The following LXN variants were observed in gnomAD, a reference collection of about 807,000 sequenced individuals.
LXN encodes the protein MUM.
LXN carries 28 observed loss-of-function variants against 29.8 expected under a neutral mutation model. That is an observed-to-expected ratio of 0.94 (90% CI 0.70 to 1.29). The LOEUF (loss-of-function observed/expected upper bound fraction) is 1.29. Ranked by LOEUF, LXN falls within the 50% of genes most tolerant of loss-of-function variation. The probability of loss-of-function intolerance (pLI) is 0.00; values close to 1 mark genes in which losing one functional copy is unlikely to be tolerated. For missense variants in LXN, 227 were observed against 261.7 expected (o/e 0.87, Z 0.92); for synonymous variants, 77 against 89.6 (o/e 0.86, Z 0.80).
chr3:158,668,962 C>T (rs2108060793), intron 4 of LXN, 34 bp downstream of exon 4: 2 of 1,514,670 alleles, frequency 1.3e-6, no homozygotes, highest in Non-Finnish European at 1.8e-6. Context: ...AAATATTAAC[C>T]CCATTAATAG....
At chr3:158,668,692 C>CT (rs1394418501) in intron 4 of LXN, among the ~76,000 whole-genome samples, 1 of 152,202 alleles carries the variant, frequency 6.6e-6, no homozygotes, top group East Asian at 1.9e-4. Flanking sequence ...TTCCTAGTCT[C>CT]TATGTTCCCA....
rs1212468769 is a variant in LXN at position 158,669,020 on chromosome 3, T to A, written c.483A>T (p.Val161=). ...NSTEDTWYKM[V]KIQTVKQVQR... is the part of the protein sequence containing the mutation. ...CCACTTGCTTGACAGTTTGAATTTTTACCATTTTATACCATGTGTCTTCAG... is the reference window on the plus strand; with the variant it reads ...CCACTTGCTTGACAGTTTGAATTTTAACCATTTTATACCATGTGTCTTCAG... Residue 161 remains valine (V), a synonymous_variant, in exon 4 of 6, where the codon GTA becomes GTT. Transcript: ENST00000264265. The A allele has an allele frequency of 6.2e-7, 1 of 1,612,368 alleles. No individual in the cohort carries two copies. Among genetic ancestry groups the A allele is most frequent in the South Asian group, 1.1e-5 (1 of 90,530 alleles).
At chr3:158,671,201 A>G (rs1340123365) in intron 1 of LXN, among the ~76,000 whole-genome samples, 182 bp from the exon 2 acceptor site, 1 of 152,208 alleles carries the variant, frequency 6.6e-6, no homozygotes, top group Non-Finnish European at 1.5e-5. Flanking sequence ...TCCCCTATCA[A>G]GTTTATTTTG....
chr3:158,671,305 C>T (rs1421698705), intron 1 of LXN, among the ~76,000 whole-genome samples: 4 of 152,172 alleles, frequency 2.6e-5, no homozygotes, highest in Non-Finnish European at 4.4e-5. Flanking sequence ...GATCTGTGAT[C>T]TTAAAGTCTC....
chr3:158,672,272 CAAA>C (rs1724400320), intron 1 of LXN, 75 bp downstream of exon 1: 1 of 1,576,436 alleles, frequency 6.3e-7, no homozygotes, highest in Admixed American at 1.7e-5. Context: ...TGTCTGCACC[CAAA>C]GGCTGAGACC....
intron 1 of LXN, among the ~76,000 whole-genome samples, chr3:158,671,247 T>G (rs1357263025): frequency 6.6e-6 from 1 of 152,222 alleles, no homozygotes; most frequent in East Asian, 1.9e-4. Flanking sequence ...AGCATACAAA[T>G]TGGGCACAAT....
rs898632685 is a variant in LXN at position 158,666,517 on chromosome 3, T to C, written c.*129A>G. ...CTTTGTATTATGGACTCTATAAAGT[T>C]CTATACTGTAATCAAGACATTTATA... On this transcript the variant is annotated 3_prime_UTR_variant, in exon 6 of 6. Transcript: ENST00000264265. 5 of 1,147,158 alleles carry C rather than the reference T, an allele frequency of 4.4e-6. No individual in the cohort carries two copies. The allele number at this position is 1,147,158 out of a possible 1,614,324, so 71.1% of individuals were successfully genotyped here.
intron 4 of LXN, among the ~76,000 whole-genome samples, chr3:158,668,319 A>C (rs1253363989): frequency 1.3e-5 from 2 of 152,180 alleles, no homozygotes; most frequent in Non-Finnish European, 1.5e-5. Context: ...TTGTTATATT[A>C]CTTAGGGAAT....
chr3:158,668,408 G>A (rs886346196), intron 4 of LXN, among the ~76,000 whole-genome samples: 2 of 151,830 alleles, frequency 1.3e-5, no homozygotes, highest in East Asian at 1.9e-4. Context: ...TTTGATTCTC[G>A]GTTGTTTGTA....
chr3:158,669,290 G>A (rs1456001517), intron 3 of LXN, 143 bp downstream of exon 3: 6 of 1,183,618 alleles, frequency 5.1e-6, no homozygotes, highest in South Asian at 4.7e-5. Context: ...CCTCTTTTTT[G>A]TTGGATTGGA....
intron 1 of LXN, among the ~76,000 whole-genome samples, chr3:158,671,831 C>T (rs1219577822): frequency 6.6e-6 from 1 of 152,214 alleles, no homozygotes; most frequent in Non-Finnish European, 1.5e-5. Flanking sequence ...TGGCTAAAGG[C>T]CAGCGTCAGC....
intron 1 of LXN, among the ~76,000 whole-genome samples, chr3:158,672,077 T>C (rs533777580): frequency 6.6e-6 from 1 of 152,308 alleles, no homozygotes; most frequent in South Asian, 2.1e-4. Flanking sequence ...GCCCCTTACC[T>C]AGAGCGTGTT....
intron 1 of LXN, among the ~76,000 whole-genome samples, chr3:158,671,577 T>A (rs926039478): frequency 5.3e-5 from 8 of 152,216 alleles, no homozygotes; most frequent in African/African-American, 1.9e-4. Flanking sequence ...AGATACAGAT[T>A]GAAAATTTAT....
chr3:158,670,271 C>T (rs1265346390), intron 2 of LXN, among the ~76,000 whole-genome samples: 2 of 152,184 alleles, frequency 1.3e-5, no homozygotes, highest in African/African-American at 4.8e-5. Flanking sequence ...GAAAGATCTT[C>T]ATCTGAATGG....
chr3:158,669,592 T>A lies in LXN; in HGVS notation c.211A>T (p.Thr71Ser). The change falls in exon 3 of 6, where the codon ACA becomes TCA. Residue 71 changes from threonine (T) to serine (S), a missense_variant. Physicochemically the swap from Thr to Ser is moderately conservative, Grantham distance 58. Coordinates refer to ENST00000264265, the MANE Select transcript of LXN (RefSeq NM_020169.4). Reference protein sequence around the residue: ...IIQKQVKVNCTAEVLYPSTGQ... With the variant: ...IIQKQVKVNCSAEVLYPSTGQ... ...GTTGAAGGGTAAAGTACTTCAGCTG[T>A]GCAGTTCACCTTAACTTGCTGTTTG... 6.2e-7 allele frequency: 1 copy of A among 1,613,858 alleles called. No individual in the cohort carries two copies. Among genetic ancestry groups the A allele is most frequent in the Non-Finnish European group, 8.5e-7 (1 of 1,179,898 alleles).
chr3:158,668,880 C>T, intron 4 of LXN, 116 bp downstream of exon 4: 1 of 914,304 alleles, frequency 1.1e-6, no homozygotes, highest in Non-Finnish European at 1.6e-6. Context: ...TTTGAAATCC[C>T]AGGTTTGCTA....
At chr3:158,668,131 G>GTA (rs1180810908) in intron 4 of LXN, among the ~76,000 whole-genome samples, 2 of 152,122 alleles carry the variant, frequency 1.3e-5, no homozygotes, top group African/African-American at 4.8e-5. Context: ...TTGTCCCTTA[G>GTA]TATCCATGGA....
intron 4 of LXN, among the ~76,000 whole-genome samples, chr3:158,667,950 A>T (rs1337844010): frequency 1.3e-5 from 2 of 152,222 alleles, no homozygotes; most frequent in African/African-American, 4.8e-5. Flanking sequence ...TGAACACAAA[A>T]CTTAGATTGC....
chr3:158,668,145 T>C (rs965806905), intron 4 of LXN, among the ~76,000 whole-genome samples: 2 of 152,136 alleles, frequency 1.3e-5, no homozygotes, highest in Admixed American at 6.5e-5. Context: ...CCATGGAGGA[T>C]TGGTTCCAAG....
Sources: allele counts gnomAD v4.1 joint callset (sites outside exome capture counted in the v4.1 genomes callset), GRCh38; gene constraint gnomAD v4.1.1; transcripts MANE v1.5; gene names NCBI Gene and HGNC (gene_info 2026-07-23, HGNC 2026-07-21).